The following LUZP2 variants were observed in gnomAD, a reference collection of about 807,000 sequenced individuals.
LUZP2 encodes the protein leucine zipper protein 2.
In LUZP2, 52 loss-of-function variants were observed where a neutral mutation model predicts 51.6. The observed-to-expected ratio is 1.01, with a 90% CI of 0.81 to 1.27. The LOEUF (loss-of-function observed/expected upper bound fraction) is 1.27, where lower values mean the gene tolerates loss of function less well. Ranked by LOEUF, LUZP2 falls within the 50% of genes most tolerant of loss-of-function variation. The pLI is 0.00. For missense variants in LUZP2, 436 were observed against 395.4 expected, an observed-to-expected ratio of 1.10 and a Z score of -0.87; for synonymous variants, 154 against 137.3, an observed-to-expected ratio of 1.12 and a Z score of -0.85.
chr11:24,642,409 A>G (rs1434300576), intron 1 of LUZP2, among the ~76,000 whole-genome samples: 1 of 151,702 alleles, frequency 6.6e-6, no homozygotes, highest in African/African-American at 2.4e-5. Context: ...GTAGTATCAT[A>G]CTTAATATCA....
intron 9 of LUZP2, among the ~76,000 whole-genome samples, chr11:25,026,364 G>C (rs1371273940): frequency 6.6e-6 from 1 of 152,074 alleles, no homozygotes; most frequent in Non-Finnish European, 1.5e-5. Flanking sequence ...ATTTTGGAAT[G>C]TATATGAAAA....
At chr11:24,772,854 G>A (rs182795584) in intron 5 of LUZP2, among the ~76,000 whole-genome samples, 35 of 152,076 alleles carry the variant, frequency 2.3e-4, no homozygotes, top group Admixed American at 2.2e-3. Context: ...TTATTCATGT[G>A]CCTCTATGTC....
At chr11:24,805,042 G>C (rs1005305608) in intron 5 of LUZP2, among the ~76,000 whole-genome samples, 29 of 150,686 alleles carry the variant, frequency 1.9e-4, no homozygotes, top group African/African-American at 7.1e-4. Context: ...GTAGAGACAG[G>C]ATGTATTAGA....
intron 1 of LUZP2, among the ~76,000 whole-genome samples, chr11:24,665,328 G>C (rs1018310278): frequency 1.3e-5 from 2 of 152,066 alleles, no homozygotes; most frequent in Non-Finnish European, 2.9e-5. Flanking sequence ...TAACTAACTT[G>C]CTTTTGATTT....
chr11:25,044,846 T>C lies in LUZP2; in HGVS notation c.766-5192T>C, dbSNP rs183315329. On this transcript the variant is annotated intron_variant, in intron 9 of 11. Transcript: ENST00000336930. Reference sequence around the variant, plus strand: ...AAGGATAGACTGGATTAAGAAAATGTGGCACATATACACCACGGAATACTA... The same window carrying C: ...AAGGATAGACTGGATTAAGAAAATGCGGCACATATACACCACGGAATACTA... 3.8e-3 allele frequency among the ~76,000 whole-genome samples: 576 copies of C among 152,128 alleles called. 4 individuals carry two copies. Among genetic ancestry groups the C allele is most frequent in the Non-Finnish European group, 6.0e-3 (407 of 67,992 alleles).
chr11:24,975,009 T>C (rs1855846719), intron 7 of LUZP2, among the ~76,000 whole-genome samples: 1 of 152,070 alleles, frequency 6.6e-6, no homozygotes, highest in African/African-American at 2.4e-5. Flanking sequence ...ATCCACCAGC[T>C]TGCTTATCCA....
At chr11:24,605,154 G>C (rs534531257) in intron 1 of LUZP2, among the ~76,000 whole-genome samples, 1 of 151,806 alleles carries the variant, frequency 6.6e-6, no homozygotes, top group African/African-American at 2.4e-5. Flanking sequence ...GATTATTAAT[G>C]GTGACTTTGA....
At chr11:25,049,399 A>G (rs900473276) in intron 9 of LUZP2, among the ~76,000 whole-genome samples, 2 of 152,184 alleles carry the variant, frequency 1.3e-5, no homozygotes, top group African/African-American at 4.8e-5. Context: ...ATTTCTATAC[A>G]ACAATTAGGG....
intron 1 of LUZP2, among the ~76,000 whole-genome samples, chr11:24,562,739 G>A (rs1025984296): frequency 2.0e-5 from 3 of 151,034 alleles, no homozygotes; most frequent in African/African-American, 7.3e-5. Flanking sequence ...GTGGGCGCCT[G>A]TAGTCCTAGC....
chr11:24,569,462 T>A (rs1464636959), intron 1 of LUZP2, among the ~76,000 whole-genome samples: 2 of 152,018 alleles, frequency 1.3e-5, no homozygotes, highest in African/African-American at 4.8e-5. Flanking sequence ...GAGATCTGTG[T>A]TTTCAGGTAG....
At chr11:25,026,293 A>C (rs1394823971) in intron 9 of LUZP2, among the ~76,000 whole-genome samples, 1 of 152,162 alleles carries the variant, frequency 6.6e-6, no homozygotes, top group Non-Finnish European at 1.5e-5. Context: ...AAGTATAATA[A>C]AAACATGTAA....
intron 1 of LUZP2, among the ~76,000 whole-genome samples, chr11:24,531,812 A>G (rs1368389258): frequency 1.3e-5 from 2 of 150,978 alleles, no homozygotes; most frequent in South Asian, 2.1e-4. Flanking sequence ...TTATAGTGAC[A>G]TATACACATT....
intron 5 of LUZP2, among the ~76,000 whole-genome samples, chr11:24,874,302 G>A (rs1401046960): frequency 6.6e-6 from 1 of 152,174 alleles, no homozygotes; most frequent in Admixed American, 6.5e-5. Flanking sequence ...TCCAAGGGGA[G>A]TTGGTAGATG....
intron 9 of LUZP2, among the ~76,000 whole-genome samples, chr11:25,043,507 T>G (rs1156469561): frequency 2.0e-5 from 3 of 149,672 alleles, no homozygotes; most frequent in African/African-American, 7.3e-5. Flanking sequence ...ACACTGCGAT[T>G]TAGGTACTTT....
At chr11:24,869,469 A>G (rs912070479) in intron 5 of LUZP2, among the ~76,000 whole-genome samples, 2 of 151,848 alleles carry the variant, frequency 1.3e-5, no homozygotes, top group Non-Finnish European at 2.9e-5. Context: ...TATTATTATC[A>G]TTATTTAGAT....
chr11:24,700,217 A>G (rs1857384358), intron 1 of LUZP2, among the ~76,000 whole-genome samples: 1 of 151,930 alleles, frequency 6.6e-6, no homozygotes, highest in African/African-American at 2.4e-5. Context: ...ACAAACCACC[A>G]TTCCTGGCAG....
chr11:24,936,799 A>G (rs1451326088), intron 7 of LUZP2, among the ~76,000 whole-genome samples: 1 of 152,160 alleles, frequency 6.6e-6, no homozygotes, highest in Non-Finnish European at 1.5e-5. Context: ...AGAGGCCAAA[A>G]TTCACAATAA....
At chr11:24,897,725 A>C (rs1334019683) in intron 5 of LUZP2, among the ~76,000 whole-genome samples, 1 of 152,160 alleles carries the variant, frequency 6.6e-6, no homozygotes, top group Non-Finnish European at 1.5e-5. Flanking sequence ...AGAACCCACC[A>C]ATTTCGGACA....
At chr11:24,577,836 A>C (rs2133815211) in intron 1 of LUZP2, among the ~76,000 whole-genome samples, 1 of 152,294 alleles carries the variant, frequency 6.6e-6, no homozygotes, top group Admixed American at 6.5e-5. Context: ...GTGATTATAC[A>C]GTTAGCGTAT....
Sources: gnomAD v4.1 joint callset for allele counts (sites outside exome capture counted in the v4.1 genomes callset) on GRCh38, gnomAD v4.1.1 for gene constraint, MANE v1.5 for transcripts, NCBI Gene and HGNC (gene_info 2026-07-23, HGNC 2026-07-21) for gene names.